Variants in CAPN8 observed in about 807,000 individuals in gnomAD.
The protein encoded by CAPN8 is calpain 8.
In CAPN8, 87 loss-of-function variants were observed where a neutral mutation model predicts 80.9. The ratio of observed to expected loss-of-function variants is 1.07; its 90% CI spans 0.90 to 1.28. CAPN8 has a LOEUF of 1.28. Ranked by LOEUF, CAPN8 falls within the 50% of genes most tolerant of loss-of-function variation. The pLI, the probability that CAPN8 is intolerant of heterozygous loss-of-function variation, is 0.00. For missense variants in CAPN8, 757 were observed against 702.0 expected, an observed-to-expected ratio of 1.08 and a Z score of -0.89; for synonymous variants, 299 against 273.8, an observed-to-expected ratio of 1.09 and a Z score of -0.91.
At position 223,547,298 on chromosome 1, in the gene CAPN8, A is replaced by T. The variant is rs150570125; in HGVS notation, c.1765-1999T>A. On this transcript the variant is annotated intron_variant, in intron 16 of 20. Transcript: ENST00000366872. Reference sequence around the variant, plus strand: ...GTATTTTTAACACCCCATGGGTGATAAAGTACTGATACATGCTATAGTAAT... The same window carrying T: ...GTATTTTTAACACCCCATGGGTGATTAAGTACTGATACATGCTATAGTAAT... 6.6e-4 allele frequency among the ~76,000 whole-genome samples: 101 copies of T among 152,358 alleles called. No homozygotes were observed. In the East Asian group the frequency reaches 0.011, roughly 16 times the overall value.
At chr1:223,621,583 T>C (rs1657394180) in intron 7 of CAPN8, among the ~76,000 whole-genome samples, 1 of 152,156 alleles carries the variant, frequency 6.6e-6, no homozygotes, top group Non-Finnish European at 1.5e-5. Context: ...TGCTCAATCT[T>C]ACACAGTAGA....
At chr1:223,555,821 G>A (rs1572225988) in intron 13 of CAPN8, among the ~76,000 whole-genome samples, 1 of 152,224 alleles carries the variant, frequency 6.6e-6, no homozygotes, top group Admixed American at 6.5e-5. Flanking sequence ...GGTTGCAACT[G>A]TGGTACTTCA....
At chr1:223,553,464 C>A (rs1656844930) in intron 14 of CAPN8, among the ~76,000 whole-genome samples, 1 of 152,182 alleles carries the variant, frequency 6.6e-6, no homozygotes, top group South Asian at 2.1e-4. Context: ...CTGGGCAATC[C>A]TCACTCTGAA....
chr1:223,545,617 G>A (rs1003350168), intron 16 of CAPN8, among the ~76,000 whole-genome samples: 3 of 152,008 alleles, frequency 2.0e-5, no homozygotes, highest in Admixed American at 6.6e-5. Flanking sequence ...CTGTAAATTC[G>A]CTTCTACATT....
At chr1:223,549,429 G>T in intron 15 of CAPN8, 47 bp from the exon 16 acceptor site, 1 of 1,550,814 alleles carries the variant, frequency 6.4e-7, no homozygotes, top group Non-Finnish European at 8.7e-7. Flanking sequence ...ATCATTTGAA[G>T]GTGAGGGAAA....
rs1227889212 is a variant in CAPN8 at position 223,665,338 on chromosome 1, C to T, written c.237+72G>A. The T allele has an allele frequency of 4.0e-6, 5 of 1,254,608 alleles. No individual in the cohort carries two copies. The African/African-American group carries it at 7.5e-5, about 19-fold the overall frequency. 77.7% of individuals were successfully genotyped at this position (1,254,608 alleles called of 1,614,324 possible). A position where few individuals can be genotyped will look rare whatever the true frequency, so the allele number is the denominator to read the frequency against. On this transcript the variant is annotated intron_variant, in intron 1 of 20. Transcript: ENST00000366872. ...TAGGGTCCACAGCCTCAACTTCTCC[C>T]TCAGTTCCTCCTGATCAGATGTAAG...
At chr1:223,617,540 C>T (rs1008375876) in intron 9 of CAPN8, 2 of 152,200 alleles carry the variant, frequency 1.3e-5, no homozygotes, top group Non-Finnish European at 2.9e-5. Context: ...GCACCCCCTA[C>T]AGTTCTGAGC....
intron 11 of CAPN8, among the ~76,000 whole-genome samples, chr1:223,610,201 C>T (rs1182514826): frequency 6.6e-6 from 1 of 152,248 alleles, no homozygotes; most frequent in Non-Finnish European, 1.5e-5. Context: ...CTGTTAACTT[C>T]TGTGTGACCC....
At chr1:223,638,814 C>A (rs1571726064) in intron 2 of CAPN8, among the ~76,000 whole-genome samples, 1 of 152,256 alleles carries the variant, frequency 6.6e-6, no homozygotes, top group Admixed American at 6.5e-5. Context: ...CCCGTTACCA[C>A]CTGCCTGCGC....
chr1:223,648,664 T>A (rs1210343444), intron 2 of CAPN8, among the ~76,000 whole-genome samples: 1 of 152,238 alleles, frequency 6.6e-6, no homozygotes, highest in African/African-American at 2.4e-5. Context: ...TTGCTGTTGG[T>A]TCCTTGTTTG....
chr1:223,653,695 C>T (rs546753821), intron 2 of CAPN8, among the ~76,000 whole-genome samples: 6 of 152,104 alleles, frequency 3.9e-5, no homozygotes, highest in African/African-American at 1.4e-4. Context: ...GCCTTGGTAT[C>T]GGGAGGGCTT....
intron 2 of CAPN8, among the ~76,000 whole-genome samples, chr1:223,634,010 T>A (rs189201242): frequency 6.6e-6 from 1 of 152,246 alleles, no homozygotes; most frequent in African/African-American, 2.4e-5. Context: ...CTCAGGTAGT[T>A]TGAAGCAGAA....
chr1:223,548,170 G>A (rs1656677541), intron 16 of CAPN8, among the ~76,000 whole-genome samples: 2 of 152,158 alleles, frequency 1.3e-5, no homozygotes, highest in Non-Finnish European at 2.9e-5. Flanking sequence ...TGGATGAACA[G>A]ACAGAGCTCA....
At chr1:223,541,913 T>A in intron 20 of CAPN8, 54 bp from the exon 21 acceptor site, 1 of 1,551,228 alleles carries the variant, frequency 6.4e-7, no homozygotes, top group African/African-American at 1.4e-5. Flanking sequence ...CTGGTGTGCT[T>A]TCACCATTGA....
chr1:223,645,418 G>C (rs1020125366), intron 2 of CAPN8, among the ~76,000 whole-genome samples: 1 of 152,074 alleles, frequency 6.6e-6, no homozygotes, highest in African/African-American at 2.4e-5. Context: ...GTTGACACTC[G>C]GTATTAACCA....
Position 223,619,249 on chromosome 1 carries a change from G to A in CAPN8, c.1135+44C>T, listed in dbSNP as rs538316242. The A allele has an allele frequency of 3.5e-4, 539 of 1,546,742 alleles. 2 individuals are homozygous for A. The highest frequency in any genetic ancestry group is 3.2e-3 in the South Asian group (272 of 83,694). On this transcript the variant is annotated intron_variant, in intron 9 of 20. Transcript: ENST00000366872. ...TACATAAAATGACCCAGCTCAGGGA[G>A]GATAAGCTGGAGGAGGTTGGGCCAA...
chr1:223,550,901 C>A (rs911058128), intron 15 of CAPN8, 59 bp downstream of exon 15: 2 of 708,142 alleles, frequency 2.8e-6, no homozygotes, highest in South Asian at 1.5e-5. Flanking sequence ...CCTACCCATC[C>A]CTCACCCTGC....
In CAPN8 at chr1:223,615,972, G is replaced by A; in HGVS notation, c.1309C>T (p.Gln437Ter). The change falls in exon 10 of 21, where the codon CAG (glutamine) becomes TAG (stop). Residue 437 changes from glutamine to a stop codon, truncating the protein, a stop_gained and splice_region_variant. Transcript: ENST00000366872. LOFTEE classifies it high-confidence loss of function. ...GGACAAACCCAGCACAGCAGTACCT[G>A]GTAGACGGCATAGCCGATGCTAAGC... ...GMLSIGYAVYQVPKELESHTD... is the reference protein window; with the variant it reads ...GMLSIGYAVY The A allele has an allele frequency of 6.4e-7, 1 of 1,552,224 alleles. No homozygotes were observed. The highest frequency in any genetic ancestry group is 8.7e-7 in the Non-Finnish European group (1 of 1,147,114).
chr1:223,609,909 G>T lies in CAPN8; in HGVS notation c.1324-545C>A, dbSNP rs904251511. Among the ~76,000 whole-genome samples the T allele has an allele frequency of 7.7e-3, 1,171 of 152,310 alleles. 11 individuals carry two copies. Among genetic ancestry groups the T allele is most frequent in the African/African-American group, 0.027 (1,115 of 41,574 alleles). ...AGCTCTAAAAGAGACAGGCAGAGGG[G>T]GCGGCCACAGCTAGGCCTAGTCTGG... On this transcript the variant is annotated intron_variant, in intron 11 of 20. Transcript: ENST00000366872.
Sources: gnomAD v4.1 joint callset for allele counts (sites outside exome capture counted in the v4.1 genomes callset) on GRCh38, gnomAD v4.1.1 for gene constraint, MANE v1.5 for transcripts, NCBI Gene and HGNC (gene_info 2026-07-23, HGNC 2026-07-21) for gene names.